SDK1: variants seen among roughly 807,000 people sequenced by gnomAD.
The protein encoded by SDK1 is protein sidekick-1.
Under a neutral mutation model 245.5 loss-of-function variants are expected in SDK1, and 157 were observed. The ratio of observed to expected loss-of-function variants is 0.64; its 90% CI spans 0.56 to 0.73. SDK1 has a LOEUF of 0.73. SDK1 is among the 30% of genes least tolerant of loss of function. SDK1 has a pLI of 0.00. For synonymous variants in SDK1, 1,647 were observed against 1,278.5 expected (o/e 1.29, Z -6.15); for missense variants, 3,583 against 3,002.3 (o/e 1.19, Z -4.52).
chr7:3,519,958 G>A (rs1050685675), intron 1 of SDK1, among the ~76,000 whole-genome samples: 6 of 152,164 alleles, frequency 3.9e-5, no homozygotes, highest in African/African-American at 1.4e-4. Flanking sequence ...TGGATATTGG[G>A]ATTAGGAGTG....
At chr7:3,394,163 C>T (rs1460372969) in intron 1 of SDK1, among the ~76,000 whole-genome samples, 6 of 151,750 alleles carry the variant, frequency 4.0e-5, no homozygotes, top group African/African-American at 1.4e-4. Context: ...CTCCTTTTCT[C>T]CCAAACACAT....
intron 13 of SDK1, among the ~76,000 whole-genome samples, chr7:3,979,199 A>T (rs1456808320): frequency 1.3e-5 from 2 of 152,180 alleles, no homozygotes; most frequent in African/African-American, 4.8e-5. Flanking sequence ...GCATGGTATC[A>T]TTCATCTCAA....
At chr7:4,039,981 A>T (rs1003470221) in intron 17 of SDK1, among the ~76,000 whole-genome samples, 8 of 152,222 alleles carry the variant, frequency 5.3e-5, no homozygotes, top group African/African-American at 1.9e-4. Context: ...GCGCCCCCAC[A>T]TGCTGAGCAT....
At chr7:3,702,100 C>T (rs1261210444) in intron 4 of SDK1, among the ~76,000 whole-genome samples, 1 of 152,022 alleles carries the variant, frequency 6.6e-6, no homozygotes, top group Non-Finnish European at 1.5e-5. Context: ...TTAGACATGA[C>T]ACCAGAGACA....
At chr7:3,896,118 C>G (rs1226524337) in intron 5 of SDK1, among the ~76,000 whole-genome samples, 1 of 152,134 alleles carries the variant, frequency 6.6e-6, no homozygotes, top group Admixed American at 6.5e-5. Context: ...TTCAAGTCTT[C>G]TGTTTACTGA....
At chr7:3,992,852 GCA>G (rs1784444194) in intron 14 of SDK1, among the ~76,000 whole-genome samples, 1 of 152,104 alleles carries the variant, frequency 6.6e-6, no homozygotes, top group Admixed American at 6.5e-5. Context: ...TTTGAGTAAT[GCA>G]AATTTCTTTT....
At position 3,756,083 on chromosome 7, in the gene SDK1, C is replaced by T. The variant is rs1779920441; in HGVS notation, c.714-65367C>T. Among the ~76,000 whole-genome samples the T allele has an allele frequency of 2.0e-5, 3 of 148,466 alleles. No individual in the cohort carries two copies. In the South Asian group the frequency reaches 6.4e-4, roughly 32 times the overall value. On this transcript the variant is annotated intron_variant, in intron 4 of 44. Transcript: ENST00000404826. ...TTTAAATCTGACTCCTTTCACATGG[C>T]ATAGCACATGTGACACATGCATATC... is the stretch of plus-strand genomic sequence containing the variant.
intron 1 of SDK1, among the ~76,000 whole-genome samples, chr7:3,553,498 A>G (rs540852224): frequency 2.0e-5 from 3 of 152,292 alleles, no homozygotes; most frequent in Non-Finnish European, 2.9e-5. Flanking sequence ...ATGGCAGGGC[A>G]TCTCACATTC....
chr7:4,161,890 A>G (rs769249109), intron 32 of SDK1, 34 bp downstream of exon 32: 7 of 1,580,728 alleles, frequency 4.4e-6, no homozygotes, highest in Admixed American at 1.7e-5. Flanking sequence ...CGTTTTGTCA[A>G]ATGTGTTCTC....
At chr7:3,577,174 G>A (rs760551977) in intron 1 of SDK1, among the ~76,000 whole-genome samples, 4 of 151,982 alleles carry the variant, frequency 2.6e-5, no homozygotes, top group East Asian at 1.9e-4. Context: ...ATCTGGAATC[G>A]CAGACCTACT....
intron 5 of SDK1, among the ~76,000 whole-genome samples, chr7:3,838,847 C>G (rs1266809501): frequency 2.0e-5 from 3 of 152,154 alleles, no homozygotes; most frequent in Non-Finnish European, 4.4e-5. Context: ...ATAACCAAGT[C>G]TCTATCAAAA....
At position 4,266,018 on chromosome 7, in the gene SDK1, G is replaced by A. The variant is rs1000179955; in HGVS notation, c.*634G>A. 4 of 985,408 alleles carry A rather than the reference G, an allele frequency of 4.1e-6. No individual in the cohort carries two copies. The highest frequency in any genetic ancestry group is 4.8e-6 in the Non-Finnish European group (4 of 830,004). The allele number at this position is 985,408 out of a possible 1,614,324, so 61.0% of individuals were successfully genotyped here. A position where few individuals can be genotyped will look rare whatever the true frequency, so the allele number is the denominator to read the frequency against. On this transcript the variant is annotated 3_prime_UTR_variant, in exon 45 of 45. Coordinates refer to ENST00000404826, the MANE Select transcript of SDK1 (RefSeq NM_152744.4). ...AGGGATGCTAAGGTGTGGCTCAGCC[G>A]TCACTGTCTGTGTCACTGCAGTGGT...
At chr7:3,987,406 G>A in intron 14 of SDK1, 84 bp downstream of exon 14, 2 of 1,425,540 alleles carry the variant, frequency 1.4e-6, no homozygotes, top group Non-Finnish European at 1.9e-6. Context: ...TTACTTCTGG[G>A]TCAGACCCAA....
At chr7:4,054,142 T>C (rs1203717001) in intron 19 of SDK1, among the ~76,000 whole-genome samples, 1 of 152,160 alleles carries the variant, frequency 6.6e-6, no homozygotes, top group Non-Finnish European at 1.5e-5. Context: ...GGTTTCACCA[T>C]GTTGGCCAGG....
chr7:3,334,957 C>T (rs1215773549), intron 1 of SDK1, among the ~76,000 whole-genome samples: 1 of 152,136 alleles, frequency 6.6e-6, no homozygotes, highest in Non-Finnish European at 1.5e-5. Flanking sequence ...ACTCAGGCCC[C>T]AAATCTTGGA....
intron 22 of SDK1, among the ~76,000 whole-genome samples, chr7:4,097,806 A>G (rs60208130): frequency 0.035 from 5,271 of 152,210 alleles, 282 homozygotes; most frequent in African/African-American, 0.12. Context: ...CCCTGACTGT[A>G]GTTGAATTTC....
chr7:4,191,598 G>A (rs369951575), intron 35 of SDK1, among the ~76,000 whole-genome samples: 24 of 152,250 alleles, frequency 1.6e-4, no homozygotes, highest in African/African-American at 4.6e-4. Flanking sequence ...CCTGAGGTAC[G>A]GGCCTGCCCT....
intron 1 of SDK1, among the ~76,000 whole-genome samples, chr7:3,399,317 C>T (rs370432575): frequency 6.6e-6 from 1 of 151,884 alleles, no homozygotes; most frequent in East Asian, 1.9e-4. Context: ...TTTGTGATGT[C>T]TGTCTCTTTC....
intron 1 of SDK1, among the ~76,000 whole-genome samples, chr7:3,460,827 T>G (rs1780811387): frequency 6.6e-6 from 1 of 152,218 alleles, no homozygotes; most frequent in African/African-American, 2.4e-5. Flanking sequence ...CATTTTAGGT[T>G]ATTCATATTT....
Sources: allele counts gnomAD v4.1 joint callset (sites outside exome capture counted in the v4.1 genomes callset), GRCh38; gene constraint gnomAD v4.1.1; transcripts MANE v1.5; gene names NCBI Gene and HGNC (gene_info 2026-07-23, HGNC 2026-07-21).